The following KIF24 variants were observed in gnomAD, a reference collection of about 807,000 sequenced individuals.
KIF24 encodes kinesin-like protein KIF24.
KIF24 carries 81 observed loss-of-function variants against 118.9 expected under a neutral mutation model. The observed-to-expected ratio is 0.68, with a 90% CI of 0.57 to 0.82. The LOEUF is 0.82. KIF24 is among the 40% of genes least tolerant of loss of function. The pLI is 0.00. For missense variants in KIF24, 1,560 were observed against 1,661.6 expected, an observed-to-expected ratio of 0.94 and a Z score of 1.06; for synonymous variants, 599 against 610.0, an observed-to-expected ratio of 0.98 and a Z score of 0.27.
In KIF24 at chr9:34,318,994, C is replaced by T. The variant is rs142141200; in HGVS notation, c.-25-7623G>A. The T allele has an allele frequency of 4.8e-4, 594 of 1,237,484 alleles. 1 individual carries two copies. Among genetic ancestry groups the T allele is most frequent in the Non-Finnish European group, 5.9e-4 (500 of 841,592 alleles). The allele number at this position is 1,237,484 out of a possible 1,614,324, so 76.7% of individuals were successfully genotyped here. On this transcript the variant is annotated intron_variant, in intron 1 of 12. Transcript: ENST00000402558. This position sits in a 1 kb window ranked among gnomAD's most constrained non-coding sequence, Gnocchi z 4.9. ...CCAAGGACATGGAGTGCATGGATGGCGCCCTGCTTGTCAACACCATGTTCT... is the reference window on the plus strand; with the variant it reads ...CCAAGGACATGGAGTGCATGGATGGTGCCCTGCTTGTCAACACCATGTTCT...
intron 1 of KIF24, among the ~76,000 whole-genome samples, chr9:34,321,318 A>C (rs200006311): frequency 2.6e-5 from 4 of 152,160 alleles, no homozygotes; most frequent in African/African-American, 7.2e-5. Flanking sequence ...GCAAAAAAAA[A>C]CCGAGGACTC....
At position 34,257,033 on chromosome 9, in the gene KIF24, G is replaced by C. The variant is rs758752231; in HGVS notation, c.2574C>G (p.His858Gln). 6.2e-7 allele frequency: 1 copy of C among 1,614,008 alleles called. No homozygotes were observed. The highest frequency in any genetic ancestry group is 1.7e-5 in the Admixed American group (1 of 60,022). The change falls in exon 11 of 13, where the codon CAC becomes CAG. Residue 858 changes from histidine (H) to glutamine (Q), a missense_variant. Coordinates refer to ENST00000402558, the MANE Select transcript of KIF24 (RefSeq NM_194313.4). ...LENSEDSFFL[H>Q]QTWGQGPEKQ... ...TCTCAGGACCCTGTCCCCACGTCTG[G>C]TGCAGGAAGAATGAGTCTTCGCTAT...
chr9:34,279,634 C>A (rs1215811861), intron 6 of KIF24, among the ~76,000 whole-genome samples: 2 of 152,200 alleles, frequency 1.3e-5, no homozygotes, highest in African/African-American at 4.8e-5. Context: ...ATGAAGCTAC[C>A]AGTTGTGCAG....
At chr9:34,289,078 C>G (rs915111588) in intron 5 of KIF24, among the ~76,000 whole-genome samples, 1 of 152,006 alleles carries the variant, frequency 6.6e-6, no homozygotes, top group African/African-American at 2.4e-5. Context: ...AGAGTAGCAC[C>G]CTCTTTTATT....
At chr9:34,259,241 T>C (rs1032664503) in intron 10 of KIF24, among the ~76,000 whole-genome samples, 7 of 152,242 alleles carry the variant, frequency 4.6e-5, no homozygotes, top group African/African-American at 1.7e-4. Flanking sequence ...TCTTACAATT[T>C]GGGCTGAGGC....
intron 6 of KIF24, among the ~76,000 whole-genome samples, chr9:34,277,077 T>A (rs1195890390): frequency 6.6e-6 from 1 of 152,148 alleles, no homozygotes; most frequent in Non-Finnish European, 1.5e-5. Context: ...TTTTTCTTCA[T>A]TAGAAAAGAC....
upstream of KIF24, among the ~76,000 whole-genome samples, chr9:34,332,501 G>C (rs377138891): frequency 6.6e-6 from 1 of 152,072 alleles, no homozygotes; most frequent in Non-Finnish European, 1.5e-5. Flanking sequence ...ACTGTCTGTC[G>C]CATGGGATAC....
intron 1 of KIF24, among the ~76,000 whole-genome samples, chr9:34,313,549 T>C (rs1042994684): frequency 1.3e-5 from 2 of 151,770 alleles, no homozygotes; most frequent in Non-Finnish European, 2.9e-5. Context: ...TAGGCACAAG[T>C]GATCCTCTCA....
rs552226565 is a variant in KIF24 at position 34,310,665 on chromosome 9, A to G, written c.623+59T>C. 7 of 1,261,144 alleles carry G rather than the reference A, an allele frequency of 5.6e-6. No homozygotes were observed. In the South Asian group the frequency reaches 1.0e-4, roughly 19 times the overall value. The allele number at this position is 1,261,144 out of a possible 1,614,324, so 78.1% of individuals were successfully genotyped here. On this transcript the variant is annotated intron_variant, in intron 2 of 12. Coordinates refer to ENST00000402558, the MANE Select transcript of KIF24 (RefSeq NM_194313.4). ...ATGCTGTCTGCTGGACATGAAGGAG[A>G]GGCCTGCCCTTGCCTGAGGCTACTT...
chr9:34,272,355 G>C (rs558687293), intron 6 of KIF24, among the ~76,000 whole-genome samples: 5 of 152,326 alleles, frequency 3.3e-5, no homozygotes, highest in African/African-American at 1.2e-4. Context: ...CCAGGATGCA[G>C]TCATAAAGGA....
At chr9:34,326,394 C>T (rs1837673969) in intron 1 of KIF24, among the ~76,000 whole-genome samples, 1 of 152,072 alleles carries the variant, frequency 6.6e-6, no homozygotes, top group African/African-American at 2.4e-5. Context: ...AAGGTCCCTG[C>T]CCTCATGACA....
In KIF24 at chr9:34,256,255, G is replaced by A. The variant is rs368001662; in HGVS notation, c.3352C>T (p.Pro1118Ser). The change falls in exon 11 of 13, where the codon CCC becomes TCC. Residue 1118 changes from proline (P) to serine (S), a missense_variant. Pro to Ser is a moderately conservative substitution (Grantham distance 74, BLOSUM62 -1). Around this residue, in one of 3 missense-constraint regions of KIF24, gnomAD observed 591 missense variants for 655.6 expected, o/e 0.90. Transcript: ENST00000402558. ...ATRHLWLSSS[P>S]PDNKPGGDLP... The stretch of plus-strand genomic sequence containing the variant: ...TCACCACCAGGCTTATTATCAGGGG[G>A]AGATGAGGACAGCCACAGGTGCCTA... The A allele has an allele frequency of 6.2e-7, 1 of 1,606,526 alleles. No homozygotes were observed. Among genetic ancestry groups the A allele is most frequent in the Non-Finnish European group, 8.5e-7 (1 of 1,175,940 alleles).
intron 8 of KIF24, 58 bp downstream of exon 8, chr9:34,269,199 T>C (rs1163031533): frequency 3.2e-6 from 3 of 945,648 alleles, no homozygotes; most frequent in African/African-American, 1.7e-5. Context: ...ACTCTGCCTG[T>C]ATGTAATGGG....
intron 8 of KIF24, among the ~76,000 whole-genome samples, chr9:34,264,570 C>T (rs1053875392): frequency 2.0e-5 from 3 of 152,058 alleles, no homozygotes; most frequent in Non-Finnish European, 2.9e-5. Context: ...CTACCTCTAT[C>T]CAAGAAGCTG....
intron 4 of KIF24, among the ~76,000 whole-genome samples, chr9:34,292,592 GA>G (rs1836295886): frequency 6.6e-6 from 1 of 152,204 alleles, no homozygotes; most frequent in African/African-American, 2.4e-5. Context: ...TGAGTACACA[GA>G]AAAGGATTTG....
In KIF24 at chr9:34,311,011, G is replaced by A; in HGVS notation, c.336C>T (p.Ser112=). The part of the protein sequence containing the change: ...SPADNKDRNA[S]NDGFEMCSLS... ...AACTGCACATTTCAAACCCATCATTGCTGGCATTTCTGTCTTTATTGTCAG... is the reference window on the plus strand; with the variant it reads ...AACTGCACATTTCAAACCCATCATTACTGGCATTTCTGTCTTTATTGTCAG... The change falls in exon 2 of 13, where the codon AGC becomes AGT. Residue 112 remains serine, a synonymous_variant. Transcript: ENST00000402558. 2 of 1,613,916 alleles carry A rather than the reference G, an allele frequency of 1.2e-6. No individual in the cohort carries two copies. The highest frequency in any genetic ancestry group is 8.5e-7 in the Non-Finnish European group (1 of 1,179,844).
At chr9:34,266,325 T>C (rs10972030) in intron 8 of KIF24, among the ~76,000 whole-genome samples, 72,250 of 152,030 alleles carry the variant, frequency 0.48, 20,131 homozygotes, top group South Asian at 0.64. Flanking sequence ...GCTAACACAG[T>C]AGTGATAAGC....
At chr9:34,263,002 G>A in intron 9 of KIF24, 99 bp downstream of exon 9, 2 of 864,762 alleles carry the variant, frequency 2.3e-6, no homozygotes, top group Non-Finnish European at 3.8e-6. Context: ...CCAGCATCAT[G>A]TCTTACTGAC....
chr9:34,254,355 C>T lies in KIF24; in HGVS notation c.*25G>A. The T allele has an allele frequency of 1.3e-6, 2 of 1,598,262 alleles. No individual in the cohort carries two copies. The highest frequency in any genetic ancestry group is 1.1e-5 in the South Asian group (1 of 89,340). On this transcript the variant is annotated 3_prime_UTR_variant, in exon 13 of 13. Coordinates refer to ENST00000402558, the MANE Select transcript of KIF24 (RefSeq NM_194313.4). The stretch of plus-strand genomic sequence containing the variant: ...CCAGCACAGACTCCTGCAGGGCCCC[C>T]ACCATCTCGGCACAGGGTCTGGCTC...
Sources: gnomAD v4.1 joint callset for allele counts (sites outside exome capture counted in the v4.1 genomes callset) on GRCh38, gnomAD v4.1.1 for gene constraint, gnomAD v4.1.1 regional missense constraint, Gnocchi (gnomAD v3.1) non-coding constraint, MANE v1.5 for transcripts, NCBI Gene and HGNC (gene_info 2026-07-23, HGNC 2026-07-21) for gene names.